AK4: variants seen among roughly 807,000 people sequenced by gnomAD.
The protein encoded by AK4 is adenylate kinase 4.
In AK4, 13 loss-of-function variants were observed where a neutral mutation model predicts 24.6. The observed-to-expected ratio is 0.53, with a 90% CI of 0.34 to 0.84. AK4 has a LOEUF of 0.84. Among genes scored for constraint, AK4 ranks in the 40% least tolerant of loss-of-function variants. The pLI, the probability that AK4 is intolerant of heterozygous loss-of-function variation, is 0.01. For missense variants in AK4, 192 were observed against 288.2 expected (o/e 0.67, Z 2.42); for synonymous variants, 88 against 107.0 (o/e 0.82, Z 1.10).
intron 2 of AK4, among the ~76,000 whole-genome samples, chr1:65,194,004 T>A (rs1651391619): frequency 6.6e-6 from 1 of 152,078 alleles, no homozygotes; most frequent in South Asian, 2.1e-4. Context: ...GGTGAGAGGA[T>A]CACTTTAGCC....
Position 65,172,103 on chromosome 1 carries a change from A to ATATATATATATATT in AK4, c.146-18606_146-18605insATATATATATATTT, listed in dbSNP as rs1553122938. On this transcript the variant is annotated intron_variant, in intron 1 of 4. Transcript: ENST00000327299. Reference sequence around the variant, plus strand: ...TATATATATATATATATATATATATATTTAAACTCATTACACTTCCCAAAT... The same window carrying ATATATATATATATT: ...TATATATATATATATATATATATATATATATATATATATTTTTAAACTCATTACACTTCCCAAAT... Among the ~76,000 whole-genome samples the ATATATATATATATT allele has an allele frequency of 1.0e-3, 117 of 115,484 alleles. 2 individuals carry two copies. Among genetic ancestry groups the ATATATATATATATT allele is most frequent in the Middle Eastern group, 4.4e-3 (1 of 228 alleles). 75.8% of individuals were successfully genotyped at this position (115,484 alleles called of 152,430 possible). A position where few individuals can be genotyped will look rare whatever the true frequency, so the allele number is the denominator to read the frequency against.
At chr1:65,183,252 T>G (rs1026869426) in intron 1 of AK4, among the ~76,000 whole-genome samples, 2 of 152,130 alleles carry the variant, frequency 1.3e-5, no homozygotes, top group Admixed American at 1.3e-4. Context: ...TTTCTTTCCT[T>G]TGTTTTATTT....
Position 65,226,390 on chromosome 1 carries a change from G to A in AK4, c.*213G>A. 1 of 625,632 alleles carries A rather than the reference G, an allele frequency of 1.6e-6. No homozygotes were observed. Among genetic ancestry groups the A allele is most frequent in the South Asian group, 2.6e-5 (1 of 39,172 alleles). The allele number at this position is 625,632 out of a possible 1,614,324, so 38.8% of individuals were successfully genotyped here. A position where few individuals can be genotyped will look rare whatever the true frequency, so the allele number is the denominator to read the frequency against. ...AGGCTGGTCACCTACACATGTTTAA[G>A]GTGTCTCTGCACATGTCTCAAGCCC... On this transcript the variant is annotated 3_prime_UTR_variant, in exon 5 of 5. Transcript: ENST00000327299.
chr1:65,154,667 G>T, intron 1 of AK4: 1 of 428,802 alleles, frequency 2.3e-6, no homozygotes, highest in Non-Finnish European at 4.8e-6. Flanking sequence ...CTCCTTCAAA[G>T]GATTATCCAA....
At chr1:65,202,866 C>CT (rs34143736) in intron 2 of AK4, among the ~76,000 whole-genome samples, 43,734 of 90,864 alleles carry the variant, frequency 0.48, 12,029 homozygotes, top group Non-Finnish European at 0.6. Flanking sequence ...GCTGTGTAGT[C>CT]TTTTTTTTTT....
intron 1 of AK4, among the ~76,000 whole-genome samples, chr1:65,177,592 G>A (rs1570093366): frequency 6.6e-6 from 1 of 152,220 alleles, no homozygotes; most frequent in Non-Finnish European, 1.5e-5. Context: ...TGCTGCTTCT[G>A]TCAGAGAATA....
chr1:65,150,622 A>G (rs1359705894), intron 1 of AK4, among the ~76,000 whole-genome samples: 2 of 151,878 alleles, frequency 1.3e-5, no homozygotes, highest in African/African-American at 4.8e-5. Context: ...CACGGTATTT[A>G]TTTTTCTGTC....
chr1:65,217,778 A>G (rs1367515109), intron 2 of AK4, among the ~76,000 whole-genome samples: 1 of 152,228 alleles, frequency 6.6e-6, no homozygotes. Context: ...CACATTTAGA[A>G]AAGTAGGAAG....
At chr1:65,203,171 T>C (rs1464307657) in intron 2 of AK4, among the ~76,000 whole-genome samples, 1 of 151,876 alleles carries the variant, frequency 6.6e-6, no homozygotes, top group African/African-American at 2.4e-5. Flanking sequence ...CTGTGCCGAG[T>C]TGTATAGTCT....
At chr1:65,224,445 G>T (rs1028504318) in intron 3 of AK4, among the ~76,000 whole-genome samples, 2 of 152,198 alleles carry the variant, frequency 1.3e-5, no homozygotes, top group African/African-American at 4.8e-5. Context: ...AAGGTTTGTT[G>T]TTAGGAGAGG....
In AK4 at chr1:65,198,079, G is replaced by A. The variant is rs114750578; in HGVS notation, c.265+7250G>A. 4.7e-3 allele frequency among the ~76,000 whole-genome samples: 712 copies of A among 152,178 alleles called. 6 individuals carry two copies. The highest frequency in any genetic ancestry group is 0.016 in the African/African-American group (683 of 41,504). On this transcript the variant is annotated intron_variant, in intron 2 of 4. Coordinates refer to ENST00000327299, the MANE Select transcript of AK4 (RefSeq NM_013410.4). Reference sequence around the variant, plus strand: ...GTGTGTATGTGTTTATGTGTAGGAGGGCAGTAGTTTATCTTAGTCATTTAT... The same window carrying A: ...GTGTGTATGTGTTTATGTGTAGGAGAGCAGTAGTTTATCTTAGTCATTTAT...
chr1:65,165,709 G>A (rs1650307323), intron 1 of AK4, among the ~76,000 whole-genome samples: 1 of 152,166 alleles, frequency 6.6e-6, no homozygotes, highest in Non-Finnish European at 1.5e-5. Context: ...GATTGTAGTG[G>A]GGGAAAACTG....
intron 1 of AK4, among the ~76,000 whole-genome samples, chr1:65,182,919 T>G (rs1257812123): frequency 6.6e-6 from 1 of 152,232 alleles, no homozygotes; most frequent in East Asian, 1.9e-4. Flanking sequence ...TGATAACTAC[T>G]GACTGTTTAA....
intron 1 of AK4, among the ~76,000 whole-genome samples, chr1:65,160,926 A>G (rs1349891560): frequency 6.6e-6 from 1 of 152,014 alleles, no homozygotes; most frequent in Non-Finnish European, 1.5e-5. Context: ...TAAAGGCCCC[A>G]CCTCTTAATA....
chr1:65,225,574 T>G (rs916107097), intron 4 of AK4, among the ~76,000 whole-genome samples: 1 of 152,186 alleles, frequency 6.6e-6, no homozygotes, highest in East Asian at 1.9e-4. Context: ...AAACAAAACT[T>G]TATGCTGAGT....
At position 65,226,215 on chromosome 1, in the gene AK4, C is replaced by T. The variant is rs1304505860; in HGVS notation, c.*38C>T. On this transcript the variant is annotated 3_prime_UTR_variant, in exon 5 of 5. Coordinates refer to ENST00000327299, the MANE Select transcript of AK4 (RefSeq NM_013410.4). ...GAAGAACCAGGAAGATGTGGTCATT[C>T]ATTCAATAGTGTGTGTAGTATTGGT... is the stretch of plus-strand genomic sequence containing the variant. The T allele has an allele frequency of 6.6e-7, 1 of 1,515,796 alleles. No homozygotes were observed. Among genetic ancestry groups the T allele is most frequent in the Admixed American group, 1.9e-5 (1 of 52,298 alleles). The allele number at this position is 1,515,796 out of a possible 1,614,324, so 93.9% of individuals were successfully genotyped here.
chr1:65,164,180 A>C (rs750232452), intron 1 of AK4, among the ~76,000 whole-genome samples: 21 of 152,098 alleles, frequency 1.4e-4, no homozygotes, highest in Non-Finnish European at 3.1e-4. Flanking sequence ...GCTGTTAATC[A>C]ATTTTGTTTC....
At chr1:65,151,518 G>A (rs1368013241) in intron 1 of AK4, among the ~76,000 whole-genome samples, 2 of 152,120 alleles carry the variant, frequency 1.3e-5, no homozygotes, top group Non-Finnish European at 2.9e-5. Context: ...TGGGATTACA[G>A]GTGTGAGCCA....
intron 2 of AK4, among the ~76,000 whole-genome samples, chr1:65,210,642 T>A (rs1651945625): frequency 6.6e-6 from 1 of 152,126 alleles, no homozygotes; most frequent in Non-Finnish European, 1.5e-5. Flanking sequence ...TATTATTCTG[T>A]CTCCTAGTGT....
Sources: allele counts gnomAD v4.1 joint callset (sites outside exome capture counted in the v4.1 genomes callset), GRCh38; gene constraint gnomAD v4.1.1; transcripts MANE v1.5; gene names NCBI Gene and HGNC (gene_info 2026-07-23, HGNC 2026-07-21).